The following AGK variants were observed in gnomAD, a reference collection of about 807,000 sequenced individuals.
AGK encodes acylglycerol kinase.
AGK carries 52 observed loss-of-function variants against 66.4 expected under a neutral mutation model. The observed-to-expected ratio is 0.78, with a 90% CI of 0.63 to 0.99. The LOEUF (loss-of-function observed/expected upper bound fraction) is 0.99. Among genes scored for constraint, AGK ranks in the 50% least tolerant of loss-of-function variants. The pLI is 0.00. For missense variants in AGK, 451 were observed against 506.6 expected, an observed-to-expected ratio of 0.89 and a Z score of 1.05; for synonymous variants, 182 against 181.1, an observed-to-expected ratio of 1.00 and a Z score of -0.04.
intron 2 of AGK, among the ~76,000 whole-genome samples, chr7:141,571,256 A>G (rs144623658): frequency 6.6e-6 from 1 of 152,228 alleles, no homozygotes; most frequent in East Asian, 1.9e-4. Context: ...TTGTTCCTCT[A>G]TCCCTCCTGT....
rs773675584 is a variant in AGK at position 141,641,326 on chromosome 7, C to T, written c.805C>T (p.Pro269Ser). 13 of 1,613,736 alleles carry T rather than the reference C, an allele frequency of 8.1e-6. No individual in the cohort carries two copies. Among genetic ancestry groups the T allele is most frequent in the East Asian group, 2.2e-5 (1 of 44,882 alleles). The stretch of plus-strand genomic sequence containing the variant: ...ACCTCCCAATGAACCAGAGGAGACC[C>T]CTGTACAAAGGCCTTCTTTGTACAG... ...ERPPNEPEET[P>S]VQRPSLYRRI... Residue 269 changes from proline to serine, a missense_variant, in exon 12 of 16, where the codon CCT (proline) becomes TCT (serine). Transcript: ENST00000649286.
At chr7:141,591,462 C>A (rs2116918811) in intron 2 of AGK, among the ~76,000 whole-genome samples, 1 of 152,222 alleles carries the variant, frequency 6.6e-6, no homozygotes, top group South Asian at 2.1e-4. Context: ...CTTAGTGAAG[C>A]CGCCTGCTTT....
chr7:141,607,592 T>G (rs926479300), intron 5 of AGK, among the ~76,000 whole-genome samples: 1 of 152,098 alleles, frequency 6.6e-6, no homozygotes, highest in Non-Finnish European at 1.5e-5. Flanking sequence ...GCTTGTCTTT[T>G]TATCCTTATA....
chr7:141,609,005 A>G (rs1796520993), intron 5 of AGK, among the ~76,000 whole-genome samples: 1 of 152,208 alleles, frequency 6.6e-6, no homozygotes, highest in Non-Finnish European at 1.5e-5. Context: ...CATTTTTTTA[A>G]AAGTCAAATA....
At chr7:141,649,160 C>CTA (rs969343533) in intron 13 of AGK, 103 bp from the exon 14 acceptor site, 13 of 622,120 alleles carry the variant, frequency 2.1e-5, no homozygotes, top group Non-Finnish European at 3.5e-5. Context: ...AGTCCCCTAT[C>CTA]TATATATAGC....
chr7:141,615,404 G>A, intron 7 of AGK, 67 bp from the exon 8 acceptor site: 2 of 1,300,488 alleles, frequency 1.5e-6, no homozygotes, highest in Non-Finnish European at 2.2e-6. Flanking sequence ...GGACACACCT[G>A]TGCTTCTCCA....
intron 2 of AGK, among the ~76,000 whole-genome samples, chr7:141,582,838 C>G (rs1795910705): frequency 6.6e-6 from 1 of 151,502 alleles, no homozygotes; most frequent in Non-Finnish European, 1.5e-5. Context: ...GGAGCGGAGG[C>G]TGAGGAAGAA....
At chr7:141,560,844 T>A (rs1467907694) in intron 2 of AGK, among the ~76,000 whole-genome samples, 1 of 147,800 alleles carries the variant, frequency 6.8e-6, no homozygotes, top group East Asian at 2.0e-4. Context: ...TCGCCCAGGC[T>A]GGAGTGCAGT....
chr7:141,640,379 G>GA, intron 11 of AGK, among the ~76,000 whole-genome samples: 1 of 152,260 alleles, frequency 6.6e-6, no homozygotes, highest in South Asian at 2.1e-4. Context: ...CCATGCATTG[G>GA]TCCTTCTAGA....
chr7:141,651,608 A>T lies in AGK; in HGVS notation c.1130A>T (p.Glu377Val). 1 of 1,614,078 alleles carries T rather than the reference A, an allele frequency of 6.2e-7. No individual in the cohort carries two copies. The highest frequency in any genetic ancestry group is 8.5e-7 in the Non-Finnish European group (1 of 1,179,930). Residue 377 changes from glutamate (E) to valine (V), a missense_variant and splice_region_variant, in exon 15 of 16, where the codon GAG (glutamate) becomes GTG (valine). By Grantham distance (121) the Glu-to-Val change is moderately radical. Coordinates refer to ENST00000649286, the MANE Select transcript of AGK (RefSeq NM_018238.4). ...QASQCTLLIPEGAGGSFSIDS... is the reference protein window; with the variant it reads ...QASQCTLLIPVGAGGSFSIDS... Reference sequence around the variant, plus strand: ...AGCCAGTGCACTTTGCTTATCCCGGAGGTGAGTGGGGAAGGGGTCGGTAGT... The same window carrying T: ...AGCCAGTGCACTTTGCTTATCCCGGTGGTGAGTGGGGAAGGGGTCGGTAGT...
At position 141,654,152 on chromosome 7, in the gene AGK, G is replaced by A. The variant is rs1338126541; in HGVS notation, c.*1228G>A. On this transcript the variant is annotated 3_prime_UTR_variant, in exon 16 of 16. Transcript: ENST00000649286. ...AATGGAAATTTTTTTTTTAGCTCTT[G>A]CTTTAAGTGTTTGTTTGTTATCTCA... 2 of 151,608 alleles carry A rather than the reference G, an allele frequency of 1.3e-5. No homozygotes were observed. Among genetic ancestry groups the A allele is most frequent in the Non-Finnish European group, 2.9e-5 (2 of 67,906 alleles). 9.4% of individuals were successfully genotyped at this position (151,608 alleles called of 1,614,324 possible).
At chr7:141,594,202 C>T (rs1350714784) in intron 3 of AGK, 1 of 152,104 alleles carries the variant, frequency 6.6e-6, no homozygotes. Flanking sequence ...TAAAGGTGAT[C>T]CCCGTCCCAA....
intron 8 of AGK, among the ~76,000 whole-genome samples, chr7:141,617,745 TTGA>T (rs1181550982): frequency 1.3e-5 from 2 of 152,226 alleles, no homozygotes; most frequent in Non-Finnish European, 2.9e-5. Context: ...ATAAAAAGAC[TTGA>T]TGAGTTACAA....
chr7:141,591,342 C>T (rs1019349748), intron 2 of AGK, among the ~76,000 whole-genome samples: 3 of 152,040 alleles, frequency 2.0e-5, no homozygotes, highest in Admixed American at 2.0e-4. Context: ...ATCTGCCCAC[C>T]TTGTCCTCCC....
chr7:141,597,342 G>A (rs1471587529), intron 4 of AGK: 1 of 152,332 alleles, frequency 6.6e-6, no homozygotes, highest in Non-Finnish European at 1.5e-5. Flanking sequence ...GGGAGTGGGT[G>A]TGTGGAGACT....
intron 2 of AGK, among the ~76,000 whole-genome samples, chr7:141,586,240 G>A (rs547241776): frequency 2.0e-5 from 3 of 152,038 alleles, no homozygotes; most frequent in Non-Finnish European, 2.9e-5. Flanking sequence ...ATCTGGTAAC[G>A]TTTTTGTGCG....
At chr7:141,559,399 A>G (rs1051955597) in intron 2 of AGK, among the ~76,000 whole-genome samples, 2 of 152,138 alleles carry the variant, frequency 1.3e-5, no homozygotes, top group African/African-American at 4.8e-5. Flanking sequence ...TGGTCTTGGC[A>G]TCCCTATTGA....
At chr7:141,556,031 T>C (rs754788928) in intron 2 of AGK, among the ~76,000 whole-genome samples, 2 of 152,160 alleles carry the variant, frequency 1.3e-5, no homozygotes, top group African/African-American at 2.4e-5. Context: ...TTTAGGGAGA[T>C]ATGACACATC....
At position 141,654,831 on chromosome 7, in the gene AGK, G is replaced by GAACA. The variant is rs1345622793; in HGVS notation, c.*1908_*1911dup. On this transcript the variant is annotated 3_prime_UTR_variant, in exon 16 of 16. Coordinates refer to ENST00000649286, the MANE Select transcript of AGK (RefSeq NM_018238.4). Reference sequence around the variant, plus strand: ...GAGACCAATGCTTTAGTAGATTACAGAACAGCTATGAAAAGTCCATGAATG... The same window carrying GAACA: ...GAGACCAATGCTTTAGTAGATTACAGAACAAACAGCTATGAAAAGTCCATGAATG... 6.6e-6 allele frequency: 1 copy of GAACA among 152,208 alleles called. No homozygotes were observed. The highest frequency in any genetic ancestry group is 2.4e-5 in the African/African-American group (1 of 41,446). 9.4% of individuals were successfully genotyped at this position (152,208 alleles called of 1,614,324 possible). A position where few individuals can be genotyped will look rare whatever the true frequency, so the allele number is the denominator to read the frequency against.
Sources: allele counts gnomAD v4.1 joint callset (sites outside exome capture counted in the v4.1 genomes callset), GRCh38; gene constraint gnomAD v4.1.1; transcripts MANE v1.5; gene names NCBI Gene and HGNC (gene_info 2026-07-23, HGNC 2026-07-21).